The following CAND1 variants were observed in gnomAD, a reference collection of about 807,000 sequenced individuals.
CAND1 encodes cullin-associated NEDD8-dissociated protein 1.
Under a neutral mutation model 108.5 loss-of-function variants are expected in CAND1, and 7 were observed. The observed-to-expected ratio is 0.06, with a 90% CI of 0.04 to 0.12. CAND1 has a LOEUF of 0.12. Ranked by LOEUF, CAND1 falls within the 10% of genes least tolerant of loss-of-function variation. CAND1 has a pLI of 1.00. For synonymous variants in CAND1, 534 were observed against 512.0 expected, an observed-to-expected ratio of 1.04 and a Z score of -0.58; for missense variants, 941 against 1,448.7, an observed-to-expected ratio of 0.65 and a Z score of 5.69.
intron 1 of CAND1, among the ~76,000 whole-genome samples, chr12:67,277,719 G>A (rs1043184595): frequency 6.6e-6 from 1 of 152,180 alleles, no homozygotes; most frequent in Non-Finnish European, 1.5e-5. Context: ...GAAATAGGAA[G>A]CATTAATTTT....
intron 8 of CAND1, among the ~76,000 whole-genome samples, chr12:67,303,946 C>T (rs988699175): frequency 4.6e-5 from 7 of 150,612 alleles, no homozygotes; most frequent in African/African-American, 1.7e-4. Context: ...AATTAACCTC[C>T]TAAATTTTTT....
Position 67,305,200 on chromosome 12 carries a change from A to G in CAND1, c.1532A>G (p.Gln511Arg), listed in dbSNP as rs762388182. The G allele has an allele frequency of 2.8e-5, 46 of 1,614,048 alleles. No homozygotes were observed. The highest frequency in any genetic ancestry group is 1.6e-4 in the Middle Eastern group (1 of 6,062). ...GTAATCCTCTGTAACCATTCTCCTC[A>G]AGTCTTCCATCCTCACGTTCAGGCT... ...LYVILCNHSPQVFHPHVQALV... is the reference protein window; with the variant it reads ...LYVILCNHSPRVFHPHVQALV... Residue 511 changes from glutamine to arginine, a missense_variant, in exon 10 of 15, where the codon CAA becomes CGA. Coordinates refer to ENST00000545606, the MANE Select transcript of CAND1 (RefSeq NM_018448.5). The surrounding 1 kb of genome is among the most constrained non-coding windows in gnomAD (Gnocchi z 4.4).
In CAND1 at chr12:67,307,617, T is replaced by C. The variant is rs562433238; in HGVS notation, c.3025+125T>C. On this transcript the variant is annotated intron_variant, in intron 11 of 14. Coordinates refer to ENST00000545606, the MANE Select transcript of CAND1 (RefSeq NM_018448.5). ...TATAAAATAATTGTTTAAAAGAAAA[T>C]TGATATGATCTTACAACTTTTAACA... 8.8e-4 allele frequency: 568 copies of C among 645,954 alleles called. 5 individuals carry two copies. Among genetic ancestry groups the C allele is most frequent in the East Asian group, 8.0e-4 (29 of 36,072 alleles). 40.0% of individuals were successfully genotyped at this position (645,954 alleles called of 1,614,324 possible).
intron 1 of CAND1, among the ~76,000 whole-genome samples, chr12:67,279,827 T>C (rs1449681908): frequency 6.6e-6 from 1 of 152,260 alleles, no homozygotes; most frequent in Non-Finnish European, 1.5e-5. Flanking sequence ...CTTGGGATTA[T>C]GTTTTTCTAC....
intron 1 of CAND1, among the ~76,000 whole-genome samples, chr12:67,275,202 T>C (rs2044557392): frequency 6.6e-6 from 1 of 151,798 alleles, no homozygotes; most frequent in Admixed American, 6.6e-5. Flanking sequence ...TTAGTAAAAA[T>C]TAGATTTCTT....
At chr12:67,301,008 A>G (rs572079858) in intron 7 of CAND1, among the ~76,000 whole-genome samples, 1 of 152,236 alleles carries the variant, frequency 6.6e-6, no homozygotes, top group African/African-American at 2.4e-5. Context: ...ACGTAATTTT[A>G]GTGAATAAGG....
intron 1 of CAND1, among the ~76,000 whole-genome samples, chr12:67,271,378 C>T (rs934889575): frequency 6.6e-6 from 1 of 152,140 alleles, no homozygotes; most frequent in African/African-American, 2.4e-5. Flanking sequence ...CAGTTTGGCT[C>T]ATCCTGTAAA....
chr12:67,295,189 A>G, intron 4 of CAND1, 33 bp downstream of exon 4: 1 of 1,572,736 alleles, frequency 6.4e-7, no homozygotes. Flanking sequence ...GTTACTCGTA[A>G]TACAGATAAC....
At position 67,316,378 on chromosome 12, in the gene CAND1, A is replaced by G. The variant is rs570611013; in HGVS notation, c.*3548A>G. 1.3e-5 allele frequency: 2 copies of G among 152,312 alleles called. No individual in the cohort carries two copies. The highest frequency in any genetic ancestry group is 2.1e-4 in the South Asian group (1 of 4,824). The allele number at this position is 152,312 out of a possible 1,614,324, so 9.4% of individuals were successfully genotyped here. A position where few individuals can be genotyped will look rare whatever the true frequency, so the allele number is the denominator to read the frequency against. ...CTTAAAGGAAATGCAAAATGAAATC[A>G]TATGTTTTCCTTTTCCAATACAGTA... is the stretch of plus-strand genomic sequence containing the variant. On this transcript the variant is annotated 3_prime_UTR_variant, in exon 15 of 15. Coordinates refer to ENST00000545606, the MANE Select transcript of CAND1 (RefSeq NM_018448.5).
Position 67,297,738 on chromosome 12 carries a change from CT to C in CAND1, c.749-6del, listed in dbSNP as rs1429930915. ...TGCATGTTTTTAAAGAACCATTATG[CT>C]TTTCTTAGGTGAATACCTTGAGAAG... is the stretch of plus-strand genomic sequence containing the variant. On this transcript the variant is annotated splice_polypyrimidine_tract_variant and intron_variant, in intron 5 of 14. Transcript: ENST00000545606. 7 of 1,588,484 alleles carry C rather than the reference CT, an allele frequency of 4.4e-6. No individual in the cohort carries two copies. The highest frequency in any genetic ancestry group is 6.0e-6 in the Non-Finnish European group (7 of 1,166,478).
intron 10 of CAND1, 42 bp from the exon 11 acceptor site, chr12:67,307,355 G>C: frequency 1.4e-6 from 2 of 1,391,348 alleles, no homozygotes; most frequent in Non-Finnish European, 2.0e-6. Flanking sequence ...GTGAGTTTTA[G>C]TGGACTACAT....
chr12:67,297,859 T>A lies in CAND1; in HGVS notation c.854+6T>A. The A allele has an allele frequency of 6.6e-7, 1 of 1,515,262 alleles. No individual in the cohort carries two copies. Among genetic ancestry groups the A allele is most frequent in the Non-Finnish European group, 9.1e-7 (1 of 1,102,372 alleles). 93.9% of individuals were successfully genotyped at this position (1,515,262 alleles called of 1,614,324 possible). The stretch of plus-strand genomic sequence containing the variant: ...TTTGAATCATTTGTAAGAAGGTAAG[T>A]TTTTAAGATCTCTATTTTTTACAAA... On this transcript the variant is annotated splice_donor_region_variant and intron_variant, in intron 6 of 14. Coordinates refer to ENST00000545606, the MANE Select transcript of CAND1 (RefSeq NM_018448.5).
chr12:67,311,483 A>T (rs1877944358), intron 13 of CAND1: 1 of 3,542 alleles, frequency 2.8e-4, no homozygotes, highest in South Asian at 6.8e-3. Flanking sequence ...TCTCTGGATG[A>T]TTCTAATGTG....
At position 67,317,473 on chromosome 12, in the gene CAND1, A is replaced by ATTTTTTTTTTTTTTTTTTTTTTTTT. The variant is rs61481589; in HGVS notation, c.*4666_*4667insTTTTTTTTTTTTTTTTTTTTTTTTT. On this transcript the variant is annotated 3_prime_UTR_variant, in exon 15 of 15. Coordinates refer to ENST00000545606, the MANE Select transcript of CAND1 (RefSeq NM_018448.5). ...CTTTTTTCTTTTTTTTTCTTTCTTA[A>ATTTTTTTTTTTTTTTTTTTTTTTTT]TTTTTTTTTTTTTTTTTTTTTTTGA... 1 of 88,218 alleles carries ATTTTTTTTTTTTTTTTTTTTTTTTT rather than the reference A, an allele frequency of 1.1e-5. No homozygotes were observed. Among genetic ancestry groups the ATTTTTTTTTTTTTTTTTTTTTTTTT allele is most frequent in the Non-Finnish European group, 2.1e-5 (1 of 47,096 alleles). The allele number at this position is 88,218 out of a possible 1,614,324, so 5.5% of individuals were successfully genotyped here.
At chr12:67,282,815 TAG>T (rs2135995791) in intron 2 of CAND1, among the ~76,000 whole-genome samples, 1 of 152,316 alleles carries the variant, frequency 6.6e-6, no homozygotes, top group Admixed American at 6.5e-5. Flanking sequence ...TATGATACGA[TAG>T]TTACAGAGAG....
intron 2 of CAND1, among the ~76,000 whole-genome samples, chr12:67,290,753 T>C (rs2044714980): frequency 6.6e-6 from 1 of 152,130 alleles, no homozygotes; most frequent in African/African-American, 2.4e-5. Context: ...GACTTCTTAA[T>C]ATAGGGGTCC....
At chr12:67,294,555 C>T (rs2044751166) in intron 3 of CAND1, among the ~76,000 whole-genome samples, 4 of 152,148 alleles carry the variant, frequency 2.6e-5, no homozygotes, top group Admixed American at 2.0e-4. Context: ...CTACTGGCTC[C>T]ATAGCTAGCA....
intron 4 of CAND1, among the ~76,000 whole-genome samples, chr12:67,295,773 GGTGGGTGT>G (rs1217475836): frequency 1.3e-5 from 2 of 152,226 alleles, no homozygotes; most frequent in East Asian, 3.9e-4. Flanking sequence ...AGTGCCTTCA[GGTGGGTGT>G]GTGGGTGTGT....
At chr12:67,292,231 A>T (rs1369055382) in intron 2 of CAND1, among the ~76,000 whole-genome samples, 1 of 150,610 alleles carries the variant, frequency 6.6e-6, no homozygotes, top group Non-Finnish European at 1.5e-5. Flanking sequence ...CTAGTTACTC[A>T]GGAGGCTGAA....
Sources: gnomAD v4.1 joint callset for allele counts (sites outside exome capture counted in the v4.1 genomes callset) on GRCh38, gnomAD v4.1.1 for gene constraint, Gnocchi (gnomAD v3.1) non-coding constraint, MANE v1.5 for transcripts, NCBI Gene and HGNC (gene_info 2026-07-23, HGNC 2026-07-21) for gene names.